The following NLK variants were observed in gnomAD, a reference collection of about 807,000 sequenced individuals.
The protein encoded by NLK is nemo like kinase.
In NLK, 11 loss-of-function variants were observed where a neutral mutation model predicts 59.0. That is an observed-to-expected ratio of 0.19 (90% CI 0.12 to 0.31). The LOEUF is 0.31. Ranked by LOEUF, NLK falls within the 10% of genes least tolerant of loss-of-function variation. The pLI, the probability that NLK is intolerant of heterozygous loss-of-function variation, is 1.00. For missense variants in NLK, 410 were observed against 661.1 expected, an observed-to-expected ratio of 0.62 and a Z score of 4.16; for synonymous variants, 235 against 235.9, an observed-to-expected ratio of 1.00 and a Z score of 0.03.
intron 8 of NLK, among the ~76,000 whole-genome samples, chr17:28,189,639 C>G (rs1173453305): frequency 1.3e-5 from 2 of 152,190 alleles, no homozygotes; most frequent in African/African-American, 4.8e-5. Context: ...GGCCTGGGAT[C>G]AGGCACATAC....
At chr17:28,082,868 T>C (rs1910394692) in intron 1 of NLK, among the ~76,000 whole-genome samples, 1 of 152,212 alleles carries the variant, frequency 6.6e-6, no homozygotes. Context: ...GATACCTAAA[T>C]AGAAATTTAG....
At chr17:28,172,448 T>C (rs995148319) in intron 6 of NLK, 69 bp from the exon 7 acceptor site, 3 of 1,074,978 alleles carry the variant, frequency 2.8e-6, no homozygotes, top group Non-Finnish European at 2.6e-6. Flanking sequence ...TCTCTAAGGC[T>C]ATGATTTAAG....
In NLK at chr17:28,168,753, T is replaced by G; in HGVS notation, c.1047+96T>G. 5 of 912,060 alleles carry G rather than the reference T, an allele frequency of 5.5e-6. No individual in the cohort carries two copies. The East Asian group carries it at 1.2e-4, about 23-fold the overall frequency. The allele number at this position is 912,060 out of a possible 1,614,324, so 56.5% of individuals were successfully genotyped here. Reference sequence around the variant, plus strand: ...TGTCTTGGGCTTATTCATTATACTGTCTAATTTGCTTTTAGGAAATTCAGG... The same window carrying G: ...TGTCTTGGGCTTATTCATTATACTGGCTAATTTGCTTTTAGGAAATTCAGG... On this transcript the variant is annotated intron_variant, in intron 6 of 10. Transcript: ENST00000407008.
chr17:28,124,477 T>C (rs1360343112), intron 2 of NLK, among the ~76,000 whole-genome samples: 1 of 151,744 alleles, frequency 6.6e-6, no homozygotes, highest in Non-Finnish European at 1.5e-5. Context: ...CAGTGAGTTA[T>C]GATCAACCAC....
intron 1 of NLK, among the ~76,000 whole-genome samples, chr17:28,080,251 C>T (rs1910301897): frequency 2.0e-5 from 3 of 151,338 alleles, no homozygotes; most frequent in South Asian, 2.1e-4. Flanking sequence ...CAGGAGTTTG[C>T]GACCAGCCTT....
chr17:28,171,566 G>A (rs569880037), intron 6 of NLK, among the ~76,000 whole-genome samples: 15 of 152,292 alleles, frequency 9.8e-5, no homozygotes, highest in East Asian at 3.9e-4. Context: ...TTCTGCCAGC[G>A]TAAGAGATTT....
At chr17:28,141,620 G>A (rs745411721) in intron 3 of NLK, among the ~76,000 whole-genome samples, 1 of 152,190 alleles carries the variant, frequency 6.6e-6, no homozygotes, top group Non-Finnish European at 1.5e-5. Flanking sequence ...TTTTTCAGAC[G>A]TGTTAAGGAA....
intron 1 of NLK, among the ~76,000 whole-genome samples, chr17:28,083,163 C>A (rs1910404224): frequency 6.6e-6 from 1 of 152,138 alleles, no homozygotes. Context: ...TCTGTAGAAT[C>A]TAATTTTATT....
chr17:28,082,627 G>T (rs1011720507), intron 1 of NLK, among the ~76,000 whole-genome samples: 6 of 152,122 alleles, frequency 3.9e-5, no homozygotes, highest in African/African-American at 1.2e-4. Context: ...CTTATTGCAG[G>T]ATCAGTTTGG....
chr17:28,163,385 G>A (rs764684732), intron 4 of NLK, among the ~76,000 whole-genome samples, 158 bp from the exon 5 acceptor site: 2 of 152,076 alleles, frequency 1.3e-5, no homozygotes, highest in African/African-American at 2.4e-5. Flanking sequence ...GCAAAATTAC[G>A]GTATTTTGAG....
chr17:28,169,706 T>TTGC, intron 6 of NLK, among the ~76,000 whole-genome samples: 1 of 150,960 alleles, frequency 6.6e-6, no homozygotes, highest in Non-Finnish European at 1.5e-5. Flanking sequence ...TCCTTTTTTT[T>TTGC]TGCTGCTTCT....
At chr17:28,046,589 C>T (rs1485876152) in intron 1 of NLK, among the ~76,000 whole-genome samples, 2 of 152,154 alleles carry the variant, frequency 1.3e-5, no homozygotes, top group Admixed American at 6.5e-5. Context: ...TAACTTCAGT[C>T]ATTTGGTGAG....
chr17:28,094,782 G>T (rs138680323), intron 1 of NLK, among the ~76,000 whole-genome samples: 5 of 152,268 alleles, frequency 3.3e-5, no homozygotes, highest in African/African-American at 1.2e-4. Context: ...TAAAAAGTGG[G>T]TATGTTGCCT....
intron 8 of NLK, among the ~76,000 whole-genome samples, chr17:28,189,173 C>A (rs1419657454): frequency 1.3e-5 from 2 of 152,130 alleles, no homozygotes; most frequent in African/African-American, 4.8e-5. Context: ...GTGATTCTAT[C>A]TTCCCCAAGC....
At chr17:28,058,572 G>C (rs904780125) in intron 1 of NLK, among the ~76,000 whole-genome samples, 15 of 152,176 alleles carry the variant, frequency 9.9e-5, no homozygotes, top group African/African-American at 2.9e-4. Context: ...CCCATGATGG[G>C]TGCCTGTTGG....
chr17:28,058,508 G>T (rs908257873), intron 1 of NLK, among the ~76,000 whole-genome samples: 1 of 152,174 alleles, frequency 6.6e-6, no homozygotes. Context: ...AAAATGATGA[G>T]AGTTTCGAAG....
chr17:28,111,611 C>T (rs1905481959), intron 1 of NLK, among the ~76,000 whole-genome samples: 1 of 152,160 alleles, frequency 6.6e-6, no homozygotes, highest in Admixed American at 6.5e-5. Context: ...TCTGATTTTC[C>T]TCACCTCTGA....
chr17:28,168,335 C>CAAA (rs371518289), intron 5 of NLK, 113 bp from the exon 6 acceptor site: 26 of 597,100 alleles, frequency 4.4e-5, no homozygotes, highest in Middle Eastern at 4.1e-4. Flanking sequence ...GACTCCATCT[C>CAAA]AAAAAAAAAA....
intron 1 of NLK, among the ~76,000 whole-genome samples, chr17:28,121,688 G>A (rs965796926): frequency 1.3e-5 from 2 of 150,752 alleles, no homozygotes; most frequent in Non-Finnish European, 3.0e-5. Context: ...TGGTAGAGAC[G>A]GGGTTTCACC....
Sources: allele counts gnomAD v4.1 joint callset (sites outside exome capture counted in the v4.1 genomes callset), GRCh38; gene constraint gnomAD v4.1.1; transcripts MANE v1.5; gene names NCBI Gene and HGNC (gene_info 2026-07-23, HGNC 2026-07-21).